Variants in CEP89 observed in about 807,000 individuals in gnomAD.
CEP89 encodes the protein centrosomal protein 89, also known as centrosomal protein of 89 kDa.
Under a neutral mutation model 97.6 loss-of-function variants are expected in CEP89, and 95 were observed. That is an observed-to-expected ratio of 0.97 (90% CI 0.82 to 1.15). The LOEUF (loss-of-function observed/expected upper bound fraction) is 1.15, where lower values mean the gene tolerates loss of function less well. Among genes scored for constraint, CEP89 ranks in the 50% most tolerant of loss-of-function variants. The probability of loss-of-function intolerance (pLI) is 0.00; values close to 1 mark genes in which losing one functional copy is unlikely to be tolerated. For synonymous variants in CEP89, 354 were observed against 349.1 expected (o/e 1.01, Z -0.16); for missense variants, 869 against 947.7 (o/e 0.92, Z 1.09).
chr19:32,953,123 T>G (rs1970959964), intron 4 of CEP89, among the ~76,000 whole-genome samples: 1 of 151,126 alleles, frequency 6.6e-6, no homozygotes, highest in Admixed American at 6.6e-5. Flanking sequence ...CCCTGATGTG[T>G]GACAGGGCAA....
chr19:32,966,367 T>C lies in CEP89; in HGVS notation c.139A>G (p.Arg47Gly), dbSNP rs771307865. The change falls in exon 2 of 19, where the codon AGA becomes GGA. Residue 47 changes from arginine to glycine, a missense_variant. Transcript: ENST00000305768. ...TGCTCATCTGATACTCACCTTGGTC[T>C]CTCTGGAGATGGGTTGGGGCTGCGG... is the stretch of plus-strand genomic sequence containing the variant. ...PPRSPNPSPE[R>G]PRSALAAAIL... The C allele has an allele frequency of 6.5e-7, 1 of 1,529,730 alleles. No individual in the cohort carries two copies. Among genetic ancestry groups the C allele is most frequent in the South Asian group, 1.3e-5 (1 of 79,780 alleles). 94.8% of individuals were successfully genotyped at this position (1,529,730 alleles called of 1,614,324 possible).
intron 12 of CEP89, 150 bp downstream of exon 12, chr19:32,923,289 G>A (rs1048441870): frequency 2.1e-6 from 1 of 473,004 alleles, no homozygotes; most frequent in Non-Finnish European, 3.7e-6. Flanking sequence ...AATTTATTAG[G>A]GTTTTATTGT....
chr19:32,937,530 T>C (rs1165944457), intron 7 of CEP89, 101 bp downstream of exon 7: 1 of 1,015,746 alleles, frequency 9.8e-7, no homozygotes, highest in East Asian at 2.4e-5. Context: ...CAACAACTAA[T>C]ACAAGAAAAA....
At chr19:32,895,744 A>C (rs928526784) in intron 16 of CEP89, among the ~76,000 whole-genome samples, 1 of 110,358 alleles carries the variant, frequency 9.1e-6, no homozygotes, top group Non-Finnish European at 2.0e-5. Context: ...CGACTCTTAG[A>C]TCTGATAAAA....
chr19:32,951,740 C>T (rs1486099508), intron 4 of CEP89, among the ~76,000 whole-genome samples: 3 of 151,970 alleles, frequency 2.0e-5, no homozygotes, highest in African/African-American at 7.3e-5. Flanking sequence ...TTCTACTTTT[C>T]ACATGTTAAA....
chr19:32,915,109 C>A (rs1186032446), intron 14 of CEP89, among the ~76,000 whole-genome samples: 1 of 151,870 alleles, frequency 6.6e-6, no homozygotes, highest in Non-Finnish European at 1.5e-5. Flanking sequence ...AAGAACTGAG[C>A]AACCTCTCTC....
At chr19:32,880,008 G>A (rs1969248143) in intron 18 of CEP89, among the ~76,000 whole-genome samples, 1 of 152,246 alleles carries the variant, frequency 6.6e-6, no homozygotes, top group Non-Finnish European at 1.5e-5. Flanking sequence ...GCCCTGAGGG[G>A]CCGAGGCATG....
At chr19:32,951,566 C>CACACACAT (rs1555794438) in intron 4 of CEP89, among the ~76,000 whole-genome samples, 3 of 150,486 alleles carry the variant, frequency 2.0e-5, no homozygotes, top group African/African-American at 4.9e-5. Context: ...CACACACACA[C>CACACACAT]GCACACTACT....
At chr19:32,938,672 G>A (rs574445972) in intron 6 of CEP89, among the ~76,000 whole-genome samples, 2 of 152,324 alleles carry the variant, frequency 1.3e-5, no homozygotes, top group East Asian at 3.9e-4. Context: ...GGCCAGGCCA[G>A]GTGTGGTGGC....
rs529852143 is a variant in CEP89, at chr19:32,888,638, G to A, written c.1876-797C>T. 3.0e-3 allele frequency among the ~76,000 whole-genome samples: 451 copies of A among 150,580 alleles called. 3 individuals carry two copies. The highest frequency in any genetic ancestry group is 0.027 in the Admixed American group (411 of 15,094). Reference sequence around the variant, plus strand: ...GCGGAGGTTGCAGGGAGCTGAGATCGCGCCACCGCACTCCAGCCTGGGCAA... The same window carrying A: ...GCGGAGGTTGCAGGGAGCTGAGATCACGCCACCGCACTCCAGCCTGGGCAA... On this transcript the variant is annotated intron_variant, in intron 16 of 18. Coordinates refer to ENST00000305768, the MANE Select transcript of CEP89 (RefSeq NM_032816.5).
At chr19:32,883,280 GCA>G (rs1332128230) in intron 17 of CEP89, among the ~76,000 whole-genome samples, 5 of 152,088 alleles carry the variant, frequency 3.3e-5, no homozygotes, top group Admixed American at 1.3e-4. Context: ...ATTGTTTAGT[GCA>G]CAGTTTTTAC....
chr19:32,882,139 A>C, intron 17 of CEP89, 126 bp from the exon 18 acceptor site: 1 of 774,864 alleles, frequency 1.3e-6, no homozygotes, highest in East Asian at 2.7e-5. Context: ...ACCCCGGATA[A>C]GTTTGGTCTG....
chr19:32,903,117 G>T (rs1969816123), intron 14 of CEP89, among the ~76,000 whole-genome samples: 1 of 151,652 alleles, frequency 6.6e-6, no homozygotes, highest in African/African-American at 2.4e-5. Flanking sequence ...TGAGGTGGGA[G>T]GATCCCTTGA....
At chr19:32,908,104 C>T (rs1969926102) in intron 14 of CEP89, among the ~76,000 whole-genome samples, 1 of 152,194 alleles carries the variant, frequency 6.6e-6, no homozygotes, top group African/African-American at 2.4e-5. Flanking sequence ...CTGTGATACC[C>T]ACACAATGAC....
intron 7 of CEP89, chr19:32,937,268 C>T (rs765946469): frequency 2.8e-5 from 9 of 325,434 alleles, no homozygotes; most frequent in South Asian, 5.7e-5. Context: ...CTTCCCAGTA[C>T]GGATCCCAGT....
At chr19:32,938,939 G>A (rs1970631538) in intron 6 of CEP89, among the ~76,000 whole-genome samples, 3 of 151,924 alleles carry the variant, frequency 2.0e-5, no homozygotes, top group Non-Finnish European at 2.9e-5. Flanking sequence ...GACAGAGCAA[G>A]ACTCCATCTC....
At chr19:32,939,801 T>A in intron 6 of CEP89, 56 bp downstream of exon 6, 1 of 828,552 alleles carries the variant, frequency 1.2e-6, no homozygotes, top group Non-Finnish European at 1.9e-6. Context: ...TTATGAAAAA[T>A]TATGATAAAA....
At chr19:32,883,198 A>C (rs921722967) in intron 17 of CEP89, among the ~76,000 whole-genome samples, 1 of 152,076 alleles carries the variant, frequency 6.6e-6, no homozygotes, top group Non-Finnish European at 1.5e-5. Flanking sequence ...AGAGTCTGAC[A>C]TGTAGTCCCA....
At position 32,959,889 on chromosome 19, in the gene CEP89, C is replaced by G; in HGVS notation, c.305+11G>C. The G allele has an allele frequency of 6.2e-7, 1 of 1,614,034 alleles. No homozygotes were observed. Among genetic ancestry groups the G allele is most frequent in the East Asian group, 2.2e-5 (1 of 44,874 alleles). On this transcript the variant is annotated intron_variant, in intron 3 of 18. Coordinates refer to ENST00000305768, the MANE Select transcript of CEP89 (RefSeq NM_032816.5). ...TCTCAGAGGAAGCAGAGGCGGCGAT[C>G]TGGTACCTACCGAGGCCTCAGCTGT...
Sources: gnomAD v4.1 joint callset for allele counts (sites outside exome capture counted in the v4.1 genomes callset) on GRCh38, gnomAD v4.1.1 for gene constraint, MANE v1.5 for transcripts, NCBI Gene and HGNC (gene_info 2026-07-23, HGNC 2026-07-21) for gene names.